Variants in ADCK1 observed in about 807,000 individuals in gnomAD.
ADCK1 encodes aarF domain-containing protein kinase 1.
Under a neutral mutation model 52.3 loss-of-function variants are expected in ADCK1, and 41 were observed. That is an observed-to-expected ratio of 0.78 (90% CI 0.61 to 1.02). The LOEUF is 1.02. Among genes scored for constraint, ADCK1 ranks in the 50% least tolerant of loss-of-function variants. ADCK1 has a pLI of 0.00. For missense variants in ADCK1, 658 were observed against 679.5 expected (o/e 0.97, Z 0.35); for synonymous variants, 250 against 274.6 (o/e 0.91, Z 0.89).
rs530730624 is a variant in ADCK1, at chr14:77,816,442, C to A, written c.-11-2526C>A. ...CTTTCTGATTGTGGATCTTAACCCT[C>A]CCTAGAGTAGGTTCTGCCCTATACA... On this transcript the variant is annotated intron_variant, in intron 1 of 10. Coordinates refer to ENST00000238561, the MANE Select transcript of ADCK1 (RefSeq NM_020421.4). 1.0e-4 allele frequency among the ~76,000 whole-genome samples: 14 copies of A among 135,404 alleles called. No individual in the cohort carries two copies. The East Asian group carries it at 2.7e-3, about 26-fold the overall frequency. The allele number at this position is 135,404 out of a possible 152,430, so 88.8% of individuals were successfully genotyped here.
intron 3 of ADCK1, among the ~76,000 whole-genome samples, chr14:77,845,522 A>G (rs1016799022): frequency 7.2e-5 from 11 of 152,184 alleles, no homozygotes; most frequent in African/African-American, 2.6e-4. Context: ...TCCCGGGTTC[A>G]AACAGTTTTC....
chr14:77,906,655 G>A (rs1237234132), intron 6 of ADCK1, among the ~76,000 whole-genome samples: 1 of 152,162 alleles, frequency 6.6e-6, no homozygotes, highest in Non-Finnish European at 1.5e-5. Context: ...ACCAGAGCTG[G>A]CTTCTCAGAT....
intron 3 of ADCK1, among the ~76,000 whole-genome samples, chr14:77,852,660 A>AATAAATAAATAT (rs1372819667): frequency 1.6e-4 from 5 of 31,740 alleles, no homozygotes; most frequent in Admixed American, 4.2e-4. Context: ...TAAATAAATA[A>AATAAATAAATAT]ATATATATAT....
At chr14:77,819,318 C>T (rs917554569) in intron 2 of ADCK1, among the ~76,000 whole-genome samples, 1 of 152,136 alleles carries the variant, frequency 6.6e-6, no homozygotes, top group Non-Finnish European at 1.5e-5. Context: ...CCTCATATTC[C>T]TTTATTCCTG....
intron 6 of ADCK1, chr14:77,902,484 T>C (rs1025595983): frequency 1.3e-5 from 2 of 152,216 alleles, no homozygotes; most frequent in Non-Finnish European, 2.9e-5. Context: ...TTGAGACAAG[T>C]GATAATGTTA....
intron 5 of ADCK1, among the ~76,000 whole-genome samples, chr14:77,898,087 G>A (rs540265140): frequency 6.6e-6 from 1 of 152,142 alleles, no homozygotes; most frequent in African/African-American, 2.4e-5. Flanking sequence ...GTGAGACTCT[G>A]TCTCTACAAA....
intron 3 of ADCK1, among the ~76,000 whole-genome samples, chr14:77,848,592 AG>A (rs1284223812): frequency 6.6e-6 from 1 of 152,048 alleles, no homozygotes; most frequent in Non-Finnish European, 1.5e-5. Flanking sequence ...CAGCCTCCTT[AG>A]TAGCTGGGAT....
intron 6 of ADCK1, among the ~76,000 whole-genome samples, chr14:77,901,712 C>T (rs2083550572): frequency 6.6e-6 from 1 of 152,186 alleles, no homozygotes; most frequent in African/African-American, 2.4e-5. Flanking sequence ...TAAGGACCAT[C>T]CTGGTGTTCT....
At chr14:77,889,338 T>G (rs1414849860) in intron 5 of ADCK1, among the ~76,000 whole-genome samples, 1 of 152,058 alleles carries the variant, frequency 6.6e-6, no homozygotes, top group African/African-American at 2.4e-5. Context: ...ATGAGTGAGG[T>G]GAATGTGGTC....
chr14:77,850,898 G>A (rs12891444), intron 3 of ADCK1, among the ~76,000 whole-genome samples: 57,459 of 151,300 alleles, frequency 0.38, 11,675 homozygotes, highest in Admixed American at 0.51. Flanking sequence ...CTTGTGATCC[G>A]CCTGCCTTGG....
At chr14:77,901,075 C>T (rs777738242) in intron 6 of ADCK1, among the ~76,000 whole-genome samples, 7 of 145,622 alleles carry the variant, frequency 4.8e-5, no homozygotes, top group East Asian at 2.0e-4. Flanking sequence ...GACAGAGTCT[C>T]GCTCTGTTGC....
intron 4 of ADCK1, among the ~76,000 whole-genome samples, chr14:77,864,719 A>T (rs954237494): frequency 1.3e-5 from 2 of 151,990 alleles, no homozygotes; most frequent in Non-Finnish European, 2.9e-5. Flanking sequence ...AGAGAGAGAG[A>T]GAGAGACTGA....
intron 5 of ADCK1, among the ~76,000 whole-genome samples, chr14:77,892,057 G>A (rs992897097): frequency 3.9e-5 from 6 of 152,106 alleles, no homozygotes; most frequent in East Asian, 1.9e-4. Context: ...TAGCCTCTAC[G>A]TCTCCTTTCA....
intron 3 of ADCK1, among the ~76,000 whole-genome samples, chr14:77,836,954 A>G (rs888660200): frequency 2.0e-5 from 3 of 150,598 alleles, no homozygotes; most frequent in African/African-American, 7.3e-5. Context: ...GGAATCAACT[A>G]ATTTTTTGTA....
At chr14:77,853,639 AT>A (rs1296965823) in intron 3 of ADCK1, among the ~76,000 whole-genome samples, 1 of 151,890 alleles carries the variant, frequency 6.6e-6, no homozygotes, top group East Asian at 1.9e-4. Context: ...GAACTATGAG[AT>A]TTTTTTCATC....
chr14:77,927,032 G>C (rs2084213202), intron 9 of ADCK1, among the ~76,000 whole-genome samples: 1 of 152,150 alleles, frequency 6.6e-6, no homozygotes, highest in African/African-American at 2.4e-5. Flanking sequence ...GGTTCTGCCT[G>C]TGCAGTCAGA....
intron 7 of ADCK1, among the ~76,000 whole-genome samples, chr14:77,911,850 A>G (rs762672566): frequency 1.1e-4 from 17 of 152,124 alleles, no homozygotes; most frequent in Admixed American, 4.6e-4. Context: ...CAGATGAAGA[A>G]TCAGAGACTC....
At chr14:77,867,279 T>G (rs1051731286) in intron 4 of ADCK1, among the ~76,000 whole-genome samples, 2 of 152,182 alleles carry the variant, frequency 1.3e-5, no homozygotes, top group African/African-American at 4.8e-5. Context: ...CTCCCCAGAC[T>G]GTCCCCAAGA....
intron 7 of ADCK1, among the ~76,000 whole-genome samples, chr14:77,911,639 C>A (rs1011983219): frequency 6.6e-6 from 1 of 151,976 alleles, no homozygotes; most frequent in Non-Finnish European, 1.5e-5. Context: ...CAGTGCCTGG[C>A]GTGTGCTAAG....
Sources: gnomAD v4.1 joint callset for allele counts (sites outside exome capture counted in the v4.1 genomes callset) on GRCh38, gnomAD v4.1.1 for gene constraint, MANE v1.5 for transcripts, NCBI Gene and HGNC (gene_info 2026-07-23, HGNC 2026-07-21) for gene names.